Variants in MIR2052HG observed in about 807,000 individuals in gnomAD.
The protein encoded by MIR2052HG is MIR2052 host gene.
chr8:74,648,606 C>A (rs892116251), intron 2 of MIR2052HG, among the ~76,000 whole-genome samples: 2 of 152,100 alleles, frequency 1.3e-5, no homozygotes, highest in South Asian at 2.1e-4. Flanking sequence ...TGTGATGACA[C>A]CCCCGGAGGC....
rs1809833663 is a variant in MIR2052HG at position 74,741,737 on chromosome 8, G to A, written n.372-10704G>A. Among the ~76,000 whole-genome samples, 2 of 152,130 alleles carry A rather than the reference G, an allele frequency of 1.3e-5. 1 individual carries two copies. The highest frequency in any genetic ancestry group is 4.8e-5 in the African/African-American group (2 of 41,434). ...TTTAGGTAACATACATAATCTCTGT[G>A]TAAGGCACGTCACAGCCTCTTGCAC... On this transcript the variant is annotated intron_variant and non_coding_transcript_variant, in intron 4 of 6. Coordinates refer to ENST00000523442, the Ensembl canonical transcript of MIR2052HG.
intron 2 of MIR2052HG, among the ~76,000 whole-genome samples, chr8:74,632,916 GCT>G (rs1373119370): frequency 6.6e-6 from 1 of 151,986 alleles, no homozygotes; most frequent in Non-Finnish European, 1.5e-5. Flanking sequence ...CTGTTTTCTG[GCT>G]CTCATCTCAC....
intron 2 of MIR2052HG, among the ~76,000 whole-genome samples, chr8:74,629,109 T>C (rs1222783637): frequency 6.6e-6 from 1 of 152,208 alleles, no homozygotes; most frequent in African/African-American, 2.4e-5. Context: ...CTCATGAAAC[T>C]AATTTACTGC....
At chr8:74,742,203 G>T (rs980454072) in intron 4 of MIR2052HG, among the ~76,000 whole-genome samples, 5 of 152,086 alleles carry the variant, frequency 3.3e-5, no homozygotes, top group African/African-American at 1.2e-4. Context: ...ACAAAAGATT[G>T]GTTTAAGGGG....
At chr8:74,609,364 A>C (rs1228280832) in intron 1 of MIR2052HG, among the ~76,000 whole-genome samples, 1 of 152,008 alleles carries the variant, frequency 6.6e-6, no homozygotes, top group Admixed American at 6.5e-5. Context: ...TCTATCAAAC[A>C]TTTAAACAAG....
At chr8:74,674,048 A>G (rs1809023659) in intron 2 of MIR2052HG, among the ~76,000 whole-genome samples, 1 of 151,456 alleles carries the variant, frequency 6.6e-6, no homozygotes, top group Non-Finnish European at 1.5e-5. Flanking sequence ...TATAATTAAT[A>G]TCAGTATAAT....
chr8:74,733,316 G>A (rs951239169), intron 4 of MIR2052HG, among the ~76,000 whole-genome samples: 7 of 151,956 alleles, frequency 4.6e-5, no homozygotes, highest in East Asian at 1.9e-4. Flanking sequence ...CCACCTATGA[G>A]TGAGTATATG....
intron 2 of MIR2052HG, among the ~76,000 whole-genome samples, chr8:74,671,203 T>C (rs1278588601): frequency 6.6e-6 from 1 of 151,834 alleles, no homozygotes; most frequent in Non-Finnish European, 1.5e-5. Context: ...GTAAGTCTGG[T>C]ATTAACTTTA....
chr8:74,657,611 C>A (rs537863859), intron 2 of MIR2052HG, among the ~76,000 whole-genome samples: 1 of 152,312 alleles, frequency 6.6e-6, no homozygotes, highest in African/African-American at 2.4e-5. Context: ...ACTTACAACT[C>A]CACATGGCTG....
At chr8:74,610,036 A>G (rs1329048295) in intron 1 of MIR2052HG, 1 of 151,832 alleles carries the variant, frequency 6.6e-6, no homozygotes, top group East Asian at 1.9e-4. Context: ...TATGGCACCA[A>G]CTACCTGTAA....
chr8:74,610,880 TA>T (rs1343188028), intron 1 of MIR2052HG, among the ~76,000 whole-genome samples: 2 of 151,926 alleles, frequency 1.3e-5, no homozygotes, highest in Non-Finnish European at 2.9e-5. Flanking sequence ...AGTATCAAGC[TA>T]AAAATACACA....
At chr8:74,689,911 T>A (rs2128739806) in intron 2 of MIR2052HG, among the ~76,000 whole-genome samples, 1 of 152,272 alleles carries the variant, frequency 6.6e-6, no homozygotes, top group South Asian at 2.1e-4. Flanking sequence ...TTGGTGGGAA[T>A]GACAGACATT....
Position 74,695,066 on chromosome 8 carries a change from G to A in MIR2052HG, n.217-7313G>A, listed in dbSNP as rs75995637. ...AAGATGAAGGAAAAAATCTGCATCAGGTAACATATAAAGGAAAACCTATCA... is the reference window on the plus strand; with the variant it reads ...AAGATGAAGGAAAAAATCTGCATCAAGTAACATATAAAGGAAAACCTATCA... On this transcript the variant is annotated intron_variant and non_coding_transcript_variant, in intron 2 of 6. Transcript: ENST00000523442. 7.5e-3 allele frequency among the ~76,000 whole-genome samples: 1,137 copies of A among 152,082 alleles called. 10 individuals carry two copies. Among genetic ancestry groups the A allele is most frequent in the African/African-American group, 0.026 (1,081 of 41,508 alleles).
At chr8:74,722,609 A>G (rs747484776) in intron 4 of MIR2052HG, among the ~76,000 whole-genome samples, 3 of 152,220 alleles carry the variant, frequency 2.0e-5, no homozygotes, top group Non-Finnish European at 2.9e-5. Flanking sequence ...TCTTTGGTAT[A>G]CAAGTCTCTA....
chr8:74,659,571 G>A (rs1808840013), intron 2 of MIR2052HG, among the ~76,000 whole-genome samples: 1 of 152,068 alleles, frequency 6.6e-6, no homozygotes, highest in Non-Finnish European at 1.5e-5. Context: ...CTGCCAAGCA[G>A]CTAGGAATAC....
At chr8:74,604,821 T>A (rs2128730603) in intron 1 of MIR2052HG, among the ~76,000 whole-genome samples, 1 of 152,164 alleles carries the variant, frequency 6.6e-6, no homozygotes, top group South Asian at 2.1e-4. Flanking sequence ...CTTGAACTCC[T>A]GACCTCAAGT....
chr8:74,607,900 T>G (rs1047037620), intron 1 of MIR2052HG, among the ~76,000 whole-genome samples: 1 of 152,196 alleles, frequency 6.6e-6, no homozygotes, highest in South Asian at 2.1e-4. Flanking sequence ...GGGCCTATTA[T>G]GAATGGCACA....
intron 2 of MIR2052HG, among the ~76,000 whole-genome samples, chr8:74,682,708 A>C (rs79489612): frequency 0.017 from 2,528 of 152,292 alleles, 40 homozygotes; most frequent in Non-Finnish European, 0.024. Context: ...TGGTGCAACC[A>C]CTAGGAACAT....
chr8:74,739,799 A>G (rs1809807305), intron 4 of MIR2052HG, among the ~76,000 whole-genome samples: 2 of 151,448 alleles, frequency 1.3e-5, no homozygotes, highest in South Asian at 4.1e-4. Context: ...TAAAAATCCA[A>G]AAAAACTCTG....
Sources: allele counts gnomAD v4.1 joint callset (sites outside exome capture counted in the v4.1 genomes callset), GRCh38; gene constraint gnomAD v4.1.1; transcripts MANE v1.5; gene names NCBI Gene and HGNC (gene_info 2026-07-23, HGNC 2026-07-21).